Variants in PLEC observed in about 807,000 individuals in gnomAD.
PLEC encodes plectin.
In PLEC, 216 loss-of-function variants were observed where a neutral mutation model predicts 392.8. The ratio of observed to expected loss-of-function variants is 0.55; its 90% confidence interval spans 0.49 to 0.62. The LOEUF is 0.62. Among genes scored for constraint, PLEC ranks in the 20% least tolerant of loss-of-function variants. The probability of loss-of-function intolerance (pLI) is 0.00; values close to 1 mark genes in which losing one functional copy is unlikely to be tolerated. For missense variants in PLEC, 6,863 were observed against 6,563.4 expected, an observed-to-expected ratio of 1.05 and a Z score of -1.58; for synonymous variants, 3,621 against 2,980.6, an observed-to-expected ratio of 1.21 and a Z score of -7.00.
rs371002664 is a variant in PLEC at position 143,920,162 on chromosome 8, C to A, written c.9659G>T (p.Arg3220Leu). The A allele has an allele frequency of 1.2e-6, 2 of 1,612,422 alleles. No individual in the cohort carries two copies. Among genetic ancestry groups the A allele is most frequent in the Admixed American group, 1.7e-5 (1 of 60,012 alleles). Residue 3220 changes from arginine (R) to leucine (L), a missense_variant, in exon 32 of 32, where the codon CGG (arginine) becomes CTG (leucine). Physicochemically the swap from Arg to Leu is moderately radical, Grantham distance 102. Coordinates refer to ENST00000345136, the MANE Select transcript of PLEC (RefSeq NM_201384.3). ...LPLSEKAARA[R>L]QEELYSELQA... ...CAGCTCTGAGTAGAGCTCCTCCTGCCGGGCCCGAGCAGCCTTTTCTGAGAG... is the reference window on the plus strand; with the variant it reads ...CAGCTCTGAGTAGAGCTCCTCCTGCAGGGCCCGAGCAGCCTTTTCTGAGAG...
At chr8:143,966,179 C>G (rs1833079348) in intron 1 of PLEC, among the ~76,000 whole-genome samples, 2 of 152,334 alleles carry the variant, frequency 1.3e-5, no homozygotes, top group South Asian at 4.1e-4. Flanking sequence ...CCTGCTTCCT[C>G]ACGCCCCTTC....
At position 143,916,028 on chromosome 8, in the gene PLEC, A is replaced by G. The variant is rs1294551723; in HGVS notation, c.*149T>C. 8.7e-6 allele frequency: 5 copies of G among 572,718 alleles called. No homozygotes were observed. The highest frequency in any genetic ancestry group is 4.6e-4 in the Middle Eastern group (1 of 2,164). The allele number at this position is 572,718 out of a possible 1,614,324, so 35.5% of individuals were successfully genotyped here. On this transcript the variant is annotated 3_prime_UTR_variant, in exon 32 of 32. Coordinates refer to ENST00000345136, the MANE Select transcript of PLEC (RefSeq NM_201384.3). The stretch of plus-strand genomic sequence containing the variant: ...CCAAGATACAGGCTGTCTGGACAGC[A>G]GATATATATTAATATATTAGTCTGG...
chr8:143,917,397 C>G lies in PLEC; in HGVS notation c.12424G>C (p.Val4142Leu). The G allele has an allele frequency of 6.2e-7, 1 of 1,612,328 alleles. No homozygotes were observed. The highest frequency in any genetic ancestry group is 8.5e-7 in the Non-Finnish European group (1 of 1,180,008). Residue 4142 changes from valine (V) to leucine (L), a missense_variant, in exon 32 of 32, where the codon GTC (valine) becomes CTC (leucine). Physicochemically the swap from Val to Leu is conservative, Grantham distance 32. Coordinates refer to ENST00000345136, the MANE Select transcript of PLEC (RefSeq NM_201384.3). ...SKSSVRKRRV[V>L]IVDPETGKEM... ...TTGCCCGTCTCGGGGTCCACGATGA[C>G]CACTCGGCGCTTGCGCACGGAGGAC... is the stretch of plus-strand genomic sequence containing the variant.
Position 143,933,059 on chromosome 8 carries a change from G to A in PLEC, c.1471C>T (p.Arg491Trp), listed in dbSNP as rs201001882. 1.7e-4 allele frequency: 267 copies of A among 1,591,834 alleles called. No individual in the cohort carries two copies. Among genetic ancestry groups the A allele is most frequent in the Non-Finnish European group, 2.1e-4 (242 of 1,170,808 alleles). Residue 491 changes from arginine (R) to tryptophan (W), a missense_variant, in exon 14 of 32, where the codon CGG (arginine) becomes TGG (tryptophan). Physicochemically the swap from Arg to Trp is moderately radical, Grantham distance 101 (BLOSUM62 -3). Coordinates refer to ENST00000345136, the MANE Select transcript of PLEC (RefSeq NM_201384.3). ...GGGGCCGCCACGCCTGCCTTCAGCC[G>A]TAGGTTGTACTCGGTGCGGATGGCT... Reference protein sequence around the residue: ...LVAIRTEYNLRLKAGVAAPAT... With the variant: ...LVAIRTEYNLWLKAGVAAPAT...
In PLEC at chr8:143,924,083, CCCAGCT is replaced by C. The variant is rs782811601; in HGVS notation, c.5840_5845del (p.Glu1947_Leu1948del). 51 of 1,598,162 alleles carry C rather than the reference CCCAGCT, an allele frequency of 3.2e-5. No homozygotes were observed. Among genetic ancestry groups the C allele is most frequent in the Non-Finnish European group, 3.8e-5 (45 of 1,179,264 alleles). ...GTCCTCCGCGTTGCTGCGGATGCGT[CCCAGCT>C]CCAGCTCCAGCTCCGCCTTGCCAGC... is the stretch of plus-strand genomic sequence containing the variant. On this transcript the variant is annotated inframe_deletion, in exon 31 of 32. Transcript: ENST00000345136.
rs373318830 is a variant in PLEC at position 143,918,822 on chromosome 8, G to A, written c.10999C>T (p.Arg3667Trp). Residue 3667 changes from arginine to tryptophan, a missense_variant, in exon 32 of 32, where the codon CGG (arginine) becomes TGG (tryptophan). Coordinates refer to ENST00000345136, the MANE Select transcript of PLEC (RefSeq NM_201384.3). ...IISLETYNLL[R>W]EGTRSLREAL... Reference sequence around the variant, plus strand: ...TCACGGAGGCTCCTGGTGCCCTCCCGGAGCAGGTTGTAGGTCTCGAGAGAG... The same window carrying A: ...TCACGGAGGCTCCTGGTGCCCTCCCAGAGCAGGTTGTAGGTCTCGAGAGAG... 31 of 1,613,066 alleles carry A rather than the reference G, an allele frequency of 1.9e-5. No individual in the cohort carries two copies. The highest frequency in any genetic ancestry group is 9.3e-5 in the African/African-American group (7 of 74,946).
chr8:143,973,565 CCCCCGCCCCGCCCCCG>C (rs1241723726), upstream of PLEC: 9 of 1,014,144 alleles, frequency 8.9e-6, no homozygotes, highest in African/African-American at 1.4e-4. This position sits in a 1 kb window ranked among gnomAD's most constrained non-coding sequence, Gnocchi z 5.6. Context: ...AAAGAGGCCG[CCCCCGCCCCGCCCCCG>C]CCCCGCCCCC....
Position 143,917,395 on chromosome 8 carries a change from GACC to G in PLEC, c.12423_12425del (p.Val4142del). 1 of 1,612,204 alleles carries G rather than the reference GACC, an allele frequency of 6.2e-7. No individual in the cohort carries two copies. Among genetic ancestry groups the G allele is most frequent in the Non-Finnish European group, 8.5e-7 (1 of 1,180,000 alleles). Reference sequence around the variant, plus strand: ...CCTTGCCCGTCTCGGGGTCCACGATGACCACTCGGCGCTTGCGCACGGAGGACT... The same window carrying G: ...CCTTGCCCGTCTCGGGGTCCACGATGACTCGGCGCTTGCGCACGGAGGACT... On this transcript the variant is annotated inframe_deletion, in exon 32 of 32. Coordinates refer to ENST00000345136, the MANE Select transcript of PLEC (RefSeq NM_201384.3).
In PLEC at chr8:143,932,898, C is replaced by T. The variant is rs1453391605; in HGVS notation, c.1632G>A (p.Trp544Ter). 6.2e-7 allele frequency: 1 copy of T among 1,612,566 alleles called. No homozygotes were observed. Residue 544 changes from tryptophan (W) to a stop codon, truncating the protein, a stop_gained, in exon 14 of 32, where the codon TGG (tryptophan) becomes TGA (stop). Coordinates refer to ENST00000345136, the MANE Select transcript of PLEC (RefSeq NM_201384.3). LOFTEE classifies it high-confidence loss of function. The stretch of plus-strand genomic sequence containing the variant: ...CCTCCACGCTGGGCAGGTCCACACC[C>T]CACTCAGCGCCATCCACACGGTGCT... ...ENQHRVDGAE[W>*]GVDLPSVEAQ...
chr8:143,964,420 G>A (rs1832992616), intron 1 of PLEC, among the ~76,000 whole-genome samples: 1 of 152,204 alleles, frequency 6.6e-6, no homozygotes, highest in Non-Finnish European at 1.5e-5. Flanking sequence ...AGAGATGGAA[G>A]AGAAGCCACA....
rs557653743 is a variant in PLEC at position 143,969,410 on chromosome 8, G to A, written c.70+3993C>T. Among the ~76,000 whole-genome samples the A allele has an allele frequency of 2.6e-5, 4 of 152,326 alleles. No individual in the cohort carries two copies. Among genetic ancestry groups the A allele is most frequent in the South Asian group, 2.1e-4 (1 of 4,834 alleles). On this transcript the variant is annotated intron_variant, in intron 1 of 31. Transcript: ENST00000356346. This position sits in a 1 kb window ranked among gnomAD's most constrained non-coding sequence, Gnocchi z 5.1. ...TGGGCACCCTATGGGAGAGGCCTCC[G>A]TGCTGAGGGCTGTGGGCTGGTGACT...
chr8:143,926,764 C>A lies in PLEC; in HGVS notation c.4044+20G>T. ...GGTGAGATGGAACCCTCTGCCCAGC[C>A]TCCGCCCAACGGGCTGTACCTCCTC... On this transcript the variant is annotated intron_variant, in intron 30 of 31. Coordinates refer to ENST00000345136, the MANE Select transcript of PLEC (RefSeq NM_201384.3). The A allele has an allele frequency of 6.3e-7, 1 of 1,598,768 alleles. No individual in the cohort carries two copies. Among genetic ancestry groups the A allele is most frequent in the Non-Finnish European group, 8.6e-7 (1 of 1,166,566 alleles).
rs142161984 is a variant in PLEC at position 143,924,213 on chromosome 8, G to A, written c.5716C>T (p.Leu1906=). ...AQLRKASDSE[L]ERQKGLVEDT... is the part of the protein sequence containing the mutation. ...TCCACCAGCCCCTTCTGCCGCTCCA[G>A]CTCGCTGTCCGATGCCTTGCGCAGC... The change falls in exon 31 of 32, where the codon CTG becomes TTG. Residue 1906 remains leucine (L), a synonymous_variant. Coordinates refer to ENST00000345136, the MANE Select transcript of PLEC (RefSeq NM_201384.3). 14 of 1,598,694 alleles carry A rather than the reference G, an allele frequency of 8.8e-6. No individual in the cohort carries two copies. In the Middle Eastern group the frequency reaches 5.0e-4, roughly 57 times the overall value.
chr8:143,948,640 G>T (rs923670970), intron 1 of PLEC, among the ~76,000 whole-genome samples: 3 of 152,232 alleles, frequency 2.0e-5, no homozygotes, highest in Non-Finnish European at 4.4e-5. Context: ...GCTTTGGGGG[G>T]ACTGAGTCAC....
rs782008263 is a variant in PLEC at position 143,934,007 on chromosome 8, C to G, written c.1254G>C (p.Leu418=). The G allele has an allele frequency of 5.6e-6, 9 of 1,606,464 alleles. No homozygotes were observed. The Admixed American group carries it at 1.5e-4, about 27-fold the overall frequency. The change falls in exon 12 of 32, where the codon CTG becomes CTC. Residue 418 remains leucine (L), a synonymous_variant. Transcript: ENST00000345136. ...CEEQLNQADA[L]LQSDVRLLAA... is the part of the protein sequence containing the mutation. ...CCCCACACCCCCTCACCGACTGCAG[C>G]AGGGCGTCGGCCTGGTTCAGCTGCT...
Position 143,918,011 on chromosome 8 carries a change from C to T in PLEC, c.11810G>A (p.Gly3937Asp), listed in dbSNP as rs1563937917. ...KFLEGTSCIA[G>D]VFVDATKERL... ...TTCCTTGGTGGCGTCCACGAAGACA[C>T]CAGCGATGCAGCTGGTGCCTTCCAG... The change falls in exon 32 of 32, where the codon GGT becomes GAT. Residue 3937 changes from glycine (G) to aspartate (D), a missense_variant. Transcript: ENST00000345136. 6.2e-7 allele frequency: 1 copy of T among 1,611,836 alleles called. No individual in the cohort carries two copies. Among genetic ancestry groups the T allele is most frequent in the Non-Finnish European group, 8.5e-7 (1 of 1,179,810 alleles).
At position 143,950,643 on chromosome 8, in the gene PLEC, C is replaced by T. The variant is rs782673771; in HGVS notation, c.64G>A (p.Glu22Lys). Residue 22 changes from glutamate to lysine, a missense_variant, in exon 1 of 32, where the codon GAG (glutamate) becomes AAG (lysine). By Grantham distance (56) the Glu-to-Lys change is moderately conservative. Transcript: ENST00000322810. ...TCCTTCTTGGCCACCATCACGCCCTCGCGGAAGAGCACCTCATAGATGGCC... is the reference window on the plus strand; with the variant it reads ...TCCTTCTTGGCCACCATCACGCCCTTGCGGAAGAGCACCTCATAGATGGCC... The T allele has an allele frequency of 1.4e-5, 23 of 1,591,554 alleles. No homozygotes were observed. In the East Asian group the frequency reaches 4.5e-4, roughly 31 times the overall value.
At position 143,923,925 on chromosome 8, in the gene PLEC, G is replaced by A. The variant is rs782502722; in HGVS notation, c.6004C>T (p.Arg2002Trp). The A allele has an allele frequency of 1.8e-5, 29 of 1,594,774 alleles. No homozygotes were observed. The highest frequency in any genetic ancestry group is 3.3e-5 in the South Asian group (3 of 90,748). The stretch of plus-strand genomic sequence containing the variant: ...TCCTCCAGCGCCGCCTTCCGCTGCC[G>A]TGCGGCCTCCTCCTCGGCCGCCAGG... The part of the protein sequence containing the change: ...KSLAAEEEAA[R>W]QRKAALEEVE... The change falls in exon 31 of 32, where the codon CGG (arginine) becomes TGG (tryptophan). Residue 2002 changes from arginine (R) to tryptophan (W), a missense_variant. Transcript: ENST00000345136.
chr8:143,948,710 C>T (rs1282802891), intron 1 of PLEC, among the ~76,000 whole-genome samples: 2 of 152,246 alleles, frequency 1.3e-5, no homozygotes, highest in African/African-American at 4.8e-5. Flanking sequence ...GCACACCCCA[C>T]TCTTGGCCCT....
Sources: gnomAD v4.1 joint callset for allele counts (sites outside exome capture counted in the v4.1 genomes callset) on GRCh38, gnomAD v4.1.1 for gene constraint, Gnocchi (gnomAD v3.1) non-coding constraint, MANE v1.5 for transcripts, NCBI Gene and HGNC (gene_info 2026-07-23, HGNC 2026-07-21) for gene names.